PACS1: variants seen among roughly 807,000 people sequenced by gnomAD.
PACS1 encodes PACS-1.
In PACS1, 24 loss-of-function variants were observed where a neutral mutation model predicts 115.0. The observed-to-expected ratio is 0.21, with a 90% confidence interval of 0.15 to 0.29. PACS1 has a LOEUF of 0.29. Among genes scored for constraint, PACS1 ranks in the 10% least tolerant of loss-of-function variants. The pLI is 1.00. For missense variants in PACS1, 838 were observed against 1,251.2 expected (o/e 0.67, Z 4.98); for synonymous variants, 453 against 504.5 (o/e 0.90, Z 1.37).
At chr11:66,094,542 T>C (rs1225067141) in intron 1 of PACS1, among the ~76,000 whole-genome samples, 1 of 152,134 alleles carries the variant, frequency 6.6e-6, no homozygotes, top group Non-Finnish European at 1.5e-5. Context: ...TCTGAAATTG[T>C]GGCAATAATC....
At chr11:66,075,936 A>G (rs1167345000) in intron 1 of PACS1, among the ~76,000 whole-genome samples, 1 of 151,944 alleles carries the variant, frequency 6.6e-6, no homozygotes, top group East Asian at 1.9e-4. Context: ...ACGGGGTTTT[A>G]CCATGTTAGC....
intron 13 of PACS1, 77 bp downstream of exon 13, chr11:66,231,017 T>C: frequency 6.4e-7 from 1 of 1,553,868 alleles, no homozygotes; most frequent in East Asian, 2.2e-5. Context: ...TTGGCTTCCT[T>C]GGACAGTTAG....
chr11:66,093,164 T>C (rs1451805058), intron 1 of PACS1, among the ~76,000 whole-genome samples: 15 of 152,322 alleles, frequency 9.8e-5, no homozygotes, highest in Non-Finnish European at 1.5e-4. Flanking sequence ...AATGTTCTTC[T>C]ATTTGTTTGT....
intron 1 of PACS1, among the ~76,000 whole-genome samples, chr11:66,154,966 T>C (rs934059085): frequency 6.8e-6 from 1 of 147,650 alleles, no homozygotes; most frequent in Non-Finnish European, 1.5e-5. Flanking sequence ...GAAGATGGAA[T>C]CCAGAAAGAG....
At chr11:66,154,100 G>A (rs1431521389) in intron 1 of PACS1, among the ~76,000 whole-genome samples, 13 of 152,170 alleles carry the variant, frequency 8.5e-5, no homozygotes, top group Admixed American at 8.5e-4. Context: ...GTATCTTACA[G>A]AGCTATAAAA....
intron 1 of PACS1, among the ~76,000 whole-genome samples, chr11:66,138,507 TA>T (rs937721355): frequency 4.6e-5 from 7 of 152,116 alleles, no homozygotes; most frequent in Non-Finnish European, 7.4e-5. Flanking sequence ...AGGAGGCACT[TA>T]CTGTCTTGGC....
At chr11:66,102,918 C>T (rs926923089) in intron 1 of PACS1, among the ~76,000 whole-genome samples, 1 of 152,092 alleles carries the variant, frequency 6.6e-6, no homozygotes, top group Admixed American at 6.5e-5. Context: ...GCAACCTCCA[C>T]CTCCCAGGTT....
chr11:66,081,587 A>G (rs1391656816), intron 1 of PACS1, among the ~76,000 whole-genome samples: 1 of 152,256 alleles, frequency 6.6e-6, no homozygotes, highest in Non-Finnish European at 1.5e-5. Flanking sequence ...AAGTCAAAAC[A>G]AAATATTTTG....
At chr11:66,136,448 C>T (rs1858849457) in intron 1 of PACS1, among the ~76,000 whole-genome samples, 1 of 151,744 alleles carries the variant, frequency 6.6e-6, no homozygotes, top group Non-Finnish European at 1.5e-5. Context: ...CAGAGAACAC[C>T]CTACTTAGAA....
At chr11:66,100,030 G>A (rs1393953440) in intron 1 of PACS1, among the ~76,000 whole-genome samples, 2 of 152,066 alleles carry the variant, frequency 1.3e-5, no homozygotes, top group South Asian at 2.1e-4. Flanking sequence ...ACAGACATCC[G>A]CCAGCACACC....
At chr11:66,099,504 A>G (rs1356152647) in intron 1 of PACS1, among the ~76,000 whole-genome samples, 1 of 151,876 alleles carries the variant, frequency 6.6e-6, no homozygotes, top group Non-Finnish European at 1.5e-5. Context: ...GAGTACAGGC[A>G]TAAGCCACCG....
chr11:66,212,224 C>T (rs950224529), intron 4 of PACS1, among the ~76,000 whole-genome samples: 2 of 151,758 alleles, frequency 1.3e-5, no homozygotes, highest in South Asian at 2.1e-4. Flanking sequence ...CCCCGCCTCC[C>T]GGGTTCAAGT....
At chr11:66,074,422 G>A (rs1055192145) in intron 1 of PACS1, among the ~76,000 whole-genome samples, 3 of 152,166 alleles carry the variant, frequency 2.0e-5, no homozygotes, top group Non-Finnish European at 4.4e-5. Context: ...GAGCCTCATT[G>A]TTGATCCCTT....
At chr11:66,128,299 A>AATAAT (rs1168981448) in intron 1 of PACS1, among the ~76,000 whole-genome samples, 1 of 152,260 alleles carries the variant, frequency 6.6e-6, no homozygotes, top group African/African-American at 2.4e-5. Context: ...AATATTGACA[A>AATAAT]CAAATAATTA....
intron 1 of PACS1, among the ~76,000 whole-genome samples, chr11:66,091,906 T>C (rs1857673668): frequency 6.6e-6 from 1 of 152,148 alleles, no homozygotes; most frequent in African/African-American, 2.4e-5. Context: ...CACATTTTCT[T>C]AATCCAGTCT....
chr11:66,156,846 C>G (rs559322925), intron 1 of PACS1, among the ~76,000 whole-genome samples: 1 of 142,254 alleles, frequency 7.0e-6, no homozygotes, highest in South Asian at 2.3e-4. Flanking sequence ...GAGCGAGACT[C>G]TGTCTCGAAA....
At chr11:66,142,751 C>G (rs1859026026) in intron 1 of PACS1, among the ~76,000 whole-genome samples, 1 of 151,718 alleles carries the variant, frequency 6.6e-6, no homozygotes, top group East Asian at 1.9e-4. Flanking sequence ...GGCAATGTCT[C>G]TACTAAGAGA....
At chr11:66,131,610 G>T (rs1247919545) in intron 1 of PACS1, among the ~76,000 whole-genome samples, 1 of 151,804 alleles carries the variant, frequency 6.6e-6, no homozygotes, top group Non-Finnish European at 1.5e-5. Context: ...ATAAAGATTT[G>T]TGCTTTTTGA....
At position 66,106,190 on chromosome 11, in the gene PACS1, G is replaced by T. The variant is rs927034559; in HGVS notation, c.356+35348G>T. Among the ~76,000 whole-genome samples the T allele has an allele frequency of 2.0e-4, 31 of 152,156 alleles. 1 individual carries two copies. The highest frequency in any genetic ancestry group is 1.5e-3 in the Admixed American group (23 of 15,270). ...CACACCTGTAATCCCAGCACTTTGG[G>T]AGGCTGAGGCGGAAGGAGCACATGA... is the stretch of plus-strand genomic sequence containing the variant. On this transcript the variant is annotated intron_variant, in intron 1 of 23. Coordinates refer to ENST00000320580, the MANE Select transcript of PACS1 (RefSeq NM_018026.4).
Sources: allele counts gnomAD v4.1 joint callset (sites outside exome capture counted in the v4.1 genomes callset), GRCh38; gene constraint gnomAD v4.1.1; transcripts MANE v1.5; gene names NCBI Gene and HGNC (gene_info 2026-07-23, HGNC 2026-07-21).